Variants in IDO2 observed in about 807,000 individuals in gnomAD.
IDO2 encodes the protein indoleamine 2,3-dioxygenase-like 1 protein.
In IDO2, 46 loss-of-function variants were observed where a neutral mutation model predicts 45.1. The observed-to-expected ratio is 1.02, with a 90% CI of 0.80 to 1.30. IDO2 has a LOEUF of 1.30. IDO2 is among the 50% of genes most tolerant of loss of function. The pLI, the probability that IDO2 is intolerant of heterozygous loss-of-function variation, is 0.00. For missense variants in IDO2, 544 were observed against 491.8 expected, an observed-to-expected ratio of 1.11 and a Z score of -1.00; for synonymous variants, 218 against 184.9, an observed-to-expected ratio of 1.18 and a Z score of -1.45.
chr8:39,968,223 A>G (rs537313827), intron 3 of IDO2, among the ~76,000 whole-genome samples: 1 of 152,354 alleles, frequency 6.6e-6, no homozygotes, highest in Admixed American at 6.5e-5. Context: ...TTGTGCAATG[A>G]CAGGGATGAA....
intron 2 of IDO2, among the ~76,000 whole-genome samples, chr8:39,950,647 C>G (rs1180571869): frequency 1.3e-5 from 2 of 152,230 alleles, no homozygotes; most frequent in Non-Finnish European, 2.9e-5. Flanking sequence ...TTATTTATAA[C>G]CTGACGCATC....
intron 8 of IDO2, among the ~76,000 whole-genome samples, chr8:40,001,818 A>G (rs1362850): frequency 0.79 from 120,834 of 152,108 alleles, 48,165 homozygotes; most frequent in East Asian, 0.92. Context: ...ACAGAATCTC[A>G]TTTTGTTGTC....
At chr8:39,947,381 C>T (rs531563543) in intron 1 of IDO2, among the ~76,000 whole-genome samples, 1 of 152,290 alleles carries the variant, frequency 6.6e-6, no homozygotes, top group South Asian at 2.1e-4. Context: ...AATCAATGTA[C>T]TTTATGTTCT....
intron 7 of IDO2, among the ~76,000 whole-genome samples, chr8:39,988,630 G>T (rs1808457832): frequency 6.6e-6 from 1 of 151,844 alleles, no homozygotes; most frequent in South Asian, 2.1e-4. Context: ...TGTTGGTCAG[G>T]CTGGCCTCGA....
intron 1 of IDO2, among the ~76,000 whole-genome samples, chr8:39,942,669 G>T (rs1807662361): frequency 6.6e-6 from 1 of 152,048 alleles, no homozygotes; most frequent in South Asian, 2.1e-4. Flanking sequence ...CAGTAAGAAA[G>T]TCCCAGACTA....
chr8:39,979,200 A>G lies in IDO2; in HGVS notation c.315+14A>G, dbSNP rs374092936. 38 of 1,568,190 alleles carry G rather than the reference A, an allele frequency of 2.4e-5. No individual in the cohort carries two copies. Among genetic ancestry groups the G allele is most frequent in the Admixed American group, 3.8e-5 (2 of 52,820 alleles). ...CAGCCTGCAGAGGTGAGGGCCAGAG[A>G]GCAGCTTCTCCTGTTACCCGGCAGG... On this transcript the variant is annotated intron_variant, in intron 4 of 10. Coordinates refer to ENST00000502986, the Ensembl canonical transcript of IDO2.
intron 8 of IDO2, among the ~76,000 whole-genome samples, chr8:39,999,404 G>T (rs892942321): frequency 4.0e-5 from 6 of 149,992 alleles, no homozygotes; most frequent in Non-Finnish European, 7.4e-5. Context: ...TCAGCCTACC[G>T]AGTAGCTGGG....
chr8:39,937,359 A>C (rs59940566), intron 1 of IDO2, among the ~76,000 whole-genome samples: 97 of 152,274 alleles, frequency 6.4e-4, no homozygotes, highest in African/African-American at 2.3e-3. Context: ...ATCTCTTTAA[A>C]GTTTTCTAAT....
intron 5 of IDO2, 104 bp downstream of exon 5, chr8:39,982,874 G>T: frequency 1.3e-6 from 1 of 745,412 alleles, no homozygotes; most frequent in Non-Finnish European, 2.1e-6. Flanking sequence ...TCTGCCGTAT[G>T]GTTCCAAAGA....
At chr8:40,000,305 G>A (rs1227822207) in intron 8 of IDO2, among the ~76,000 whole-genome samples, 1 of 151,890 alleles carries the variant, frequency 6.6e-6, no homozygotes, top group East Asian at 1.9e-4. Flanking sequence ...AGTTACTCAG[G>A]AAGCTGAGGC....
At chr8:39,973,817 C>T (rs1331973369) in intron 3 of IDO2, among the ~76,000 whole-genome samples, 1 of 151,504 alleles carries the variant, frequency 6.6e-6, no homozygotes, top group African/African-American at 2.4e-5. Context: ...TCTCGGCTCA[C>T]TGCAACCTCC....
chr8:39,995,230 TCTCCTTCTCCTTCTCCTTCTC>T (rs1480681110), intron 8 of IDO2: 3 of 85,950 alleles, frequency 3.5e-5, no homozygotes, highest in Admixed American at 1.3e-4. Flanking sequence ...TCCTTCTCCT[TCTCCTTCTCCTTCTCCTTCTC>T]CTTCTTCTTC....
intron 5 of IDO2, among the ~76,000 whole-genome samples, chr8:39,983,941 T>G (rs2129594555): frequency 6.6e-6 from 1 of 151,912 alleles, no homozygotes; most frequent in Admixed American, 6.6e-5. Flanking sequence ...AGCCCTGGAG[T>G]TTTATGTTTT....
chr8:39,987,622 G>C (rs994592082), intron 6 of IDO2: 1 of 435,008 alleles, frequency 2.3e-6, no homozygotes, highest in Non-Finnish European at 4.2e-6. Context: ...GATGGTCCAG[G>C]ACCATTAGGG....
rs527325968 is a variant in IDO2, at chr8:39,999,488, A to G, written c.668-5839A>G. Among the ~76,000 whole-genome samples, 60 of 152,236 alleles carry G rather than the reference A, an allele frequency of 3.9e-4. No individual in the cohort carries two copies. In the East Asian group the frequency reaches 5.6e-3, roughly 14 times the overall value. On this transcript the variant is annotated intron_variant, in intron 8 of 10. Coordinates refer to ENST00000502986, the Ensembl canonical transcript of IDO2. ...GAAATAGGATTTCACTATGTTGGCC[A>G]GGCTGGTCTCAAACTCTTGACTTCA...
At chr8:39,990,886 T>C (rs1445899475) in intron 8 of IDO2, among the ~76,000 whole-genome samples, 1 of 152,182 alleles carries the variant, frequency 6.6e-6, no homozygotes, top group Non-Finnish European at 1.5e-5. Flanking sequence ...TCTGGGAGGC[T>C]CTTCAAATTC....
At position 39,985,496 on chromosome 8, in the gene IDO2, A is replaced by G; in HGVS notation, c.435-12A>G. On this transcript the variant is annotated splice_polypyrimidine_tract_variant and intron_variant, in intron 5 of 10. Transcript: ENST00000502986. ...CTCTCTTGGTGGTCATCAATAACTG[A>G]AATTGGGCTAGATTCCTGGAAATTG... 6.4e-7 allele frequency: 1 copy of G among 1,562,428 alleles called. No homozygotes were observed. The highest frequency in any genetic ancestry group is 8.7e-7 in the Non-Finnish European group (1 of 1,151,746).
At chr8:39,996,363 G>T (rs1444198768) in intron 8 of IDO2, among the ~76,000 whole-genome samples, 1 of 152,232 alleles carries the variant, frequency 6.6e-6, no homozygotes, top group African/African-American at 2.4e-5. Flanking sequence ...AATGGCGTAA[G>T]CTGTCACGTC....
chr8:39,949,918 C>G (rs943583514), intron 2 of IDO2, among the ~76,000 whole-genome samples: 4 of 152,148 alleles, frequency 2.6e-5, no homozygotes, highest in African/African-American at 4.8e-5. Context: ...CAAACAATAC[C>G]TCTTTCTTAA....
Sources: gnomAD v4.1 joint callset for allele counts (sites outside exome capture counted in the v4.1 genomes callset) on GRCh38, gnomAD v4.1.1 for gene constraint, MANE v1.5 for transcripts, NCBI Gene and HGNC (gene_info 2026-07-23, HGNC 2026-07-21) for gene names.